The following SHC4 variants were observed in gnomAD, a reference collection of about 807,000 sequenced individuals.
SHC4 encodes SHC adaptor protein 4.
SHC4 carries 41 observed loss-of-function variants against 69.4 expected under a neutral mutation model. The observed-to-expected ratio is 0.59, with a 90% CI of 0.46 to 0.77. SHC4 has a LOEUF of 0.77. Among genes scored for constraint, SHC4 ranks in the 30% least tolerant of loss-of-function variants. The pLI, the probability that SHC4 is intolerant of heterozygous loss-of-function variation, is 0.00. For missense variants in SHC4, 777 were observed against 783.8 expected (o/e 0.99, Z 0.10); for synonymous variants, 318 against 299.3 (o/e 1.06, Z -0.64).
intron 11 of SHC4, among the ~76,000 whole-genome samples, chr15:48,832,453 C>T (rs1026009477): frequency 1.3e-5 from 2 of 152,138 alleles, no homozygotes; most frequent in Non-Finnish European, 2.9e-5. Context: ...TCTTCTCTTG[C>T]TGCTTTCAAA....
chr15:48,895,148 G>A (rs139342575), intron 2 of SHC4, among the ~76,000 whole-genome samples: 1 of 152,108 alleles, frequency 6.6e-6, no homozygotes, highest in Non-Finnish European at 1.5e-5. Flanking sequence ...GCCCAGAAGT[G>A]AGCACCTTAT....
At chr15:48,886,573 C>T (rs1328768355) in intron 3 of SHC4, among the ~76,000 whole-genome samples, 1 of 152,158 alleles carries the variant, frequency 6.6e-6, no homozygotes, top group African/African-American at 2.4e-5. Flanking sequence ...GGACCTTAGA[C>T]AACTCCGGAA....
At chr15:48,878,798 CT>C in intron 4 of SHC4, 1 of 1,489,518 alleles carries the variant, frequency 6.7e-7, no homozygotes, top group Non-Finnish European at 9.1e-7. Flanking sequence ...TTTCCGCTAT[CT>C]TTTGGGTTCA....
At chr15:48,956,032 G>T (rs901543043) in intron 1 of SHC4, among the ~76,000 whole-genome samples, 2 of 152,174 alleles carry the variant, frequency 1.3e-5, no homozygotes, top group Non-Finnish European at 2.9e-5. Context: ...GACCAATCAA[G>T]GGATATGTGA....
intron 1 of SHC4, among the ~76,000 whole-genome samples, chr15:48,948,824 T>A (rs1339849745): frequency 6.6e-6 from 1 of 152,058 alleles, no homozygotes; most frequent in Non-Finnish European, 1.5e-5. Flanking sequence ...GAGGATGGCT[T>A]GAGCCTGGGA....
chr15:48,886,205 C>T (rs1900033103), intron 3 of SHC4, among the ~76,000 whole-genome samples: 1 of 151,928 alleles, frequency 6.6e-6, no homozygotes, highest in Non-Finnish European at 1.5e-5. Context: ...CACAGTGAGC[C>T]AAGATTGGGC....
intron 3 of SHC4, 55 bp downstream of exon 3, chr15:48,890,693 A>G (rs2141005878): frequency 2.5e-6 from 4 of 1,599,094 alleles, no homozygotes; most frequent in Non-Finnish European, 3.4e-6. Context: ...CGATTTTCAT[A>G]CTATCTTTGC....
At chr15:48,948,020 C>G (rs951161375) in intron 1 of SHC4, 3 of 152,354 alleles carry the variant, frequency 2.0e-5, no homozygotes, top group Admixed American at 1.3e-4. Flanking sequence ...ACCTCCATCT[C>G]CAGAGACACC....
chr15:48,922,740 T>C (rs1429632724), intron 2 of SHC4, among the ~76,000 whole-genome samples: 1 of 152,102 alleles, frequency 6.6e-6, no homozygotes, highest in Non-Finnish European at 1.5e-5. Flanking sequence ...CAACCTGGGG[T>C]ATCAGCCCTC....
chr15:48,880,402 A>G (rs1899918110), intron 4 of SHC4, among the ~76,000 whole-genome samples: 1 of 152,168 alleles, frequency 6.6e-6, no homozygotes, highest in Non-Finnish European at 1.5e-5. Flanking sequence ...TGGATAGGTA[A>G]TTAATTGCAT....
intron 1 of SHC4, among the ~76,000 whole-genome samples, chr15:48,957,219 A>G (rs1901471572): frequency 6.6e-6 from 1 of 151,900 alleles, no homozygotes; most frequent in African/African-American, 2.4e-5. Context: ...CTCAAGTGAT[A>G]TGCGTGCCTC....
At chr15:48,856,233 G>GT (rs1316041380) in intron 7 of SHC4, 109 bp from the exon 8 acceptor site, 1 of 1,047,444 alleles carries the variant, frequency 9.5e-7, no homozygotes, top group East Asian at 2.4e-5. Flanking sequence ...TTGCATTCAT[G>GT]TTTTCAGTTT....
intron 1 of SHC4, among the ~76,000 whole-genome samples, chr15:48,955,341 G>T (rs1368660216): frequency 6.6e-6 from 1 of 152,166 alleles, no homozygotes; most frequent in African/African-American, 2.4e-5. Context: ...AGCGGGGTGT[G>T]GGGCAGCCTG....
intron 10 of SHC4, among the ~76,000 whole-genome samples, chr15:48,840,219 C>T (rs1898966615): frequency 6.6e-6 from 1 of 152,116 alleles, no homozygotes; most frequent in Non-Finnish European, 1.5e-5. Flanking sequence ...AATGTCAGCC[C>T]TTTTTACACT....
intron 2 of SHC4, among the ~76,000 whole-genome samples, chr15:48,895,924 T>A (rs1900213142): frequency 6.6e-6 from 1 of 151,806 alleles, no homozygotes; most frequent in Non-Finnish European, 1.5e-5. Flanking sequence ...TCCACAAAAA[T>A]ATATATATTT....
At chr15:48,910,095 T>C (rs1285391891) in intron 2 of SHC4, among the ~76,000 whole-genome samples, 1 of 148,648 alleles carries the variant, frequency 6.7e-6, no homozygotes, top group African/African-American at 2.5e-5. Flanking sequence ...GGTATGCTTC[T>C]TTCTCTATAT....
At chr15:48,902,668 G>C (rs905314063) in intron 2 of SHC4, among the ~76,000 whole-genome samples, 3 of 151,986 alleles carry the variant, frequency 2.0e-5, no homozygotes, top group African/African-American at 4.8e-5. Context: ...GGCATCCAAC[G>C]ACCTGACTGG....
At chr15:48,891,168 G>A (rs1029449747) in intron 2 of SHC4, among the ~76,000 whole-genome samples, 3 of 152,130 alleles carry the variant, frequency 2.0e-5, no homozygotes, top group Admixed American at 6.5e-5. Flanking sequence ...TTTATCTTTA[G>A]CAAAATCATC....
intron 2 of SHC4, among the ~76,000 whole-genome samples, chr15:48,920,011 G>GTTT (rs1445735086): frequency 5.4e-5 from 8 of 147,418 alleles, no homozygotes; most frequent in Admixed American, 1.3e-4. Context: ...AGTTCACGGA[G>GTTT]TTTGTTTTTT....
Sources: allele counts gnomAD v4.1 joint callset (sites outside exome capture counted in the v4.1 genomes callset), GRCh38; gene constraint gnomAD v4.1.1; transcripts MANE v1.5; gene names NCBI Gene and HGNC (gene_info 2026-07-23, HGNC 2026-07-21).